Variants in SPECC1 observed in about 807,000 individuals in gnomAD.
SPECC1 encodes sperm antigen with calponin homology and coiled-coil domains 1, also known as cytospin-B.
SPECC1 carries 62 observed loss-of-function variants against 104.1 expected under a neutral mutation model. That is an observed-to-expected ratio of 0.60 (90% CI 0.49 to 0.74). The LOEUF (loss-of-function observed/expected upper bound fraction) is 0.74, where lower values mean the gene tolerates loss of function less well. Among genes scored for constraint, SPECC1 ranks in the 30% least tolerant of loss-of-function variants. The pLI is 0.00. For synonymous variants in SPECC1, 513 were observed against 501.6 expected (o/e 1.02, Z -0.30); for missense variants, 1,306 against 1,310.5 (o/e 1.00, Z 0.05).
At chr17:20,266,678 G>A (rs2151618721) in intron 12 of SPECC1, among the ~76,000 whole-genome samples, 1 of 152,354 alleles carries the variant, frequency 6.6e-6, no homozygotes, top group East Asian at 1.9e-4. Context: ...TCCTCATGGG[G>A]TCTGGCAGTT....
intron 1 of SPECC1, among the ~76,000 whole-genome samples, chr17:20,011,341 C>G (rs2043936166): frequency 6.6e-6 from 1 of 151,944 alleles, no homozygotes; most frequent in African/African-American, 2.4e-5. Flanking sequence ...TCTGTTTCTT[C>G]AAAGTAAATT....
intron 12 of SPECC1, among the ~76,000 whole-genome samples, chr17:20,282,258 C>G (rs1244129020): frequency 6.6e-6 from 1 of 152,224 alleles, no homozygotes; most frequent in African/African-American, 2.4e-5. Context: ...CAGGGAGGGA[C>G]TGTGCAGCAT....
chr17:20,108,846 C>G (rs1028004869), intron 2 of SPECC1, among the ~76,000 whole-genome samples: 1 of 152,190 alleles, frequency 6.6e-6, no homozygotes, highest in Non-Finnish European at 1.5e-5. Context: ...GGGAACTGTG[C>G]GTGCTCACTT....
intron 3 of SPECC1, among the ~76,000 whole-genome samples, chr17:20,200,718 G>A (rs936860101): frequency 6.6e-6 from 1 of 152,192 alleles, no homozygotes; most frequent in East Asian, 1.9e-4. Flanking sequence ...ACGAGGAGGT[G>A]TGTTTGGGCT....
At chr17:20,106,428 A>G (rs1261613831) in intron 2 of SPECC1, among the ~76,000 whole-genome samples, 8 of 152,346 alleles carry the variant, frequency 5.3e-5, no homozygotes, top group Non-Finnish European at 8.8e-5. Context: ...TAAGAAGGGT[A>G]GTAGTGTAAC....
At chr17:20,258,550 C>T (rs1452387393) in intron 11 of SPECC1, among the ~76,000 whole-genome samples, 2 of 152,220 alleles carry the variant, frequency 1.3e-5, no homozygotes, top group African/African-American at 4.8e-5. Flanking sequence ...GTCATCTGCA[C>T]TCCTCATCCT....
chr17:20,145,316 G>T (rs1014433648), intron 3 of SPECC1, among the ~76,000 whole-genome samples: 1 of 152,204 alleles, frequency 6.6e-6, no homozygotes, highest in Non-Finnish European at 1.5e-5. Context: ...AGACCACACC[G>T]GATTCGCTGG....
intron 13 of SPECC1, among the ~76,000 whole-genome samples, chr17:20,303,878 A>G (rs948474670): frequency 6.6e-6 from 1 of 152,060 alleles, no homozygotes; most frequent in African/African-American, 2.4e-5. Context: ...GGTTGAACCC[A>G]AGAGGCAGAG....
rs2049692599 is a variant in SPECC1 at position 20,132,395 on chromosome 17, ATAAAG to A, written c.283+21838_283+21842del. Among the ~76,000 whole-genome samples the A allele has an allele frequency of 3.3e-5, 5 of 152,204 alleles. No homozygotes were observed. The South Asian group carries it at 1.0e-3, about 32-fold the overall frequency. On this transcript the variant is annotated intron_variant, in intron 3 of 14. Transcript: ENST00000395527. Reference sequence around the variant, plus strand: ...TTTGGTATCAGGATAATACTACTTCATAAAGTAAACTGGGAAGTATTCCTAACTTT... The same window carrying A: ...TTTGGTATCAGGATAATACTACTTCATAAACTGGGAAGTATTCCTAACTTT...
chr17:20,013,390 T>C (rs1488451258), intron 1 of SPECC1, among the ~76,000 whole-genome samples: 1 of 152,264 alleles, frequency 6.6e-6, no homozygotes, highest in East Asian at 1.9e-4. Flanking sequence ...TTTTTGATAG[T>C]AGCTATCCTT....
intron 1 of SPECC1, among the ~76,000 whole-genome samples, chr17:20,041,890 G>T (rs1336421328): frequency 6.6e-6 from 1 of 152,116 alleles, no homozygotes; most frequent in African/African-American, 2.4e-5. Context: ...CTCCCAAAGT[G>T]CTGGGGTTAC....
intron 12 of SPECC1, among the ~76,000 whole-genome samples, chr17:20,271,150 G>T (rs115468240): frequency 2.0e-3 from 302 of 151,844 alleles, no homozygotes; most frequent in African/African-American, 7.0e-3. Flanking sequence ...GAGCAAAGCA[G>T]TCAGCCGGCC....
chr17:20,130,021 TGGGAATACA>T lies in SPECC1; in HGVS notation c.283+19462_283+19470del, dbSNP rs1488262337. 2.0e-5 allele frequency among the ~76,000 whole-genome samples: 3 copies of T among 152,298 alleles called. No homozygotes were observed. In the East Asian group the frequency reaches 5.8e-4, roughly 29 times the overall value. On this transcript the variant is annotated intron_variant, in intron 3 of 14. Coordinates refer to ENST00000395527, the MANE Select transcript of SPECC1 (RefSeq NM_001243439.2). ...CACCTGCCTCAGCCTCTCAAAGTAC[TGGGAATACA>T]GGTGTGAGCCACTGCGCCCAGCTGC...
At chr17:20,199,172 C>T (rs1165464886) in intron 3 of SPECC1, among the ~76,000 whole-genome samples, 5 of 141,096 alleles carry the variant, frequency 3.5e-5, no homozygotes, top group African/African-American at 1.3e-4. Flanking sequence ...CTGCACCCTT[C>T]GTCTCCTGGG....
chr17:20,239,133 ACT>A (rs10549056), intron 7 of SPECC1: 212,221 of 1,027,830 alleles, frequency 0.21, 24,489 homozygotes, highest in African/African-American at 0.48. Context: ...AATTTTTAAA[ACT>A]CTAGGGTCTC....
rs763680846 is a variant in SPECC1 at position 20,247,330 on chromosome 17, C to G, written c.2598+11C>G. 9.4e-6 allele frequency: 15 copies of G among 1,597,366 alleles called. No individual in the cohort carries two copies. Among genetic ancestry groups the G allele is most frequent in the Non-Finnish European group, 1.3e-5 (15 of 1,166,128 alleles). ...GTCTCTCCAATGCAGGTAGATGAGC[C>G]CCAGAAATAACCACTGCTTATGGTT... On this transcript the variant is annotated intron_variant, in intron 9 of 14. Transcript: ENST00000395527.
intron 3 of SPECC1, among the ~76,000 whole-genome samples, chr17:20,113,991 A>C (rs1180912327): frequency 1.3e-5 from 2 of 152,352 alleles, no homozygotes; most frequent in East Asian, 3.9e-4. Context: ...AATATGGTAG[A>C]GTTGCCTGTT....
intron 3 of SPECC1, among the ~76,000 whole-genome samples, chr17:20,200,149 A>C (rs1227838631): frequency 6.6e-6 from 1 of 152,048 alleles, no homozygotes; most frequent in Non-Finnish European, 1.5e-5. Flanking sequence ...AGTTTGGCTA[A>C]CTCCTGTTTT....
chr17:20,102,708 T>G (rs1379687727), intron 2 of SPECC1, among the ~76,000 whole-genome samples: 1 of 152,196 alleles, frequency 6.6e-6, no homozygotes, highest in Non-Finnish European at 1.5e-5. Context: ...GTTGATGACT[T>G]GCTTGATGTT....
Sources: allele counts gnomAD v4.1 joint callset (sites outside exome capture counted in the v4.1 genomes callset), GRCh38; gene constraint gnomAD v4.1.1; transcripts MANE v1.5; gene names NCBI Gene and HGNC (gene_info 2026-07-23, HGNC 2026-07-21).